Variants in FAM200B observed in about 807,000 individuals in gnomAD.
FAM200B encodes zinc finger BED-type containing 11.
In FAM200B, 32 loss-of-function variants were observed where a neutral mutation model predicts 33.1. That is an observed-to-expected ratio of 0.97 (90% CI 0.73 to 1.30). FAM200B has a LOEUF of 1.30. Ranked by LOEUF, FAM200B falls within the 50% of genes most tolerant of loss-of-function variation. The probability of loss-of-function intolerance (pLI) is 0.00; values close to 1 mark genes in which losing one functional copy is unlikely to be tolerated. For synonymous variants in FAM200B, 240 were observed against 264.8 expected (o/e 0.91, Z 0.91); for missense variants, 741 against 754.0 (o/e 0.98, Z 0.20).
At chr4:15,651,153 T>C in the FAM200B span, among the ~76,000 whole-genome samples, 1 of 152,214 alleles carries the variant, frequency 6.6e-6, no homozygotes, top group Non-Finnish European at 1.5e-5. Flanking sequence ...GGGAGACTTA[T>C]ACTCAGTGAA....
At chr4:15,663,706 T>A in the FAM200B span, among the ~76,000 whole-genome samples, 5 of 152,280 alleles carry the variant, frequency 3.3e-5, no homozygotes, top group East Asian at 9.6e-4. Context: ...AATTTTTTTT[T>A]AAAGAAAAAT....
chr4:15,679,376 T>C (rs1283053434), upstream of FAM200B, among the ~76,000 whole-genome samples: 2 of 152,094 alleles, frequency 1.3e-5, no homozygotes, highest in Non-Finnish European at 2.9e-5. Context: ...TTAACAATTA[T>C]TAATTATCCA....
chr4:15,656,997 G>C, the FAM200B span, among the ~76,000 whole-genome samples: 5 of 149,552 alleles, frequency 3.3e-5, no homozygotes, highest in Non-Finnish European at 7.5e-5. Flanking sequence ...CTTATTCACA[G>C]TCTGTCTTAA....
the FAM200B span, among the ~76,000 whole-genome samples, chr4:15,644,174 A>G: frequency 6.6e-6 from 1 of 152,300 alleles, no homozygotes; most frequent in South Asian, 2.1e-4. Context: ...CAAGAATTTT[A>G]TAGTTAGTCT....
intron 1 of FAM200B, among the ~76,000 whole-genome samples, chr4:15,684,059 G>C (rs1283331225): frequency 6.6e-6 from 1 of 152,182 alleles, no homozygotes; most frequent in Non-Finnish European, 1.5e-5. Flanking sequence ...TCTTAAGGGA[G>C]GCTAAGTAGA....
At chr4:15,655,943 G>T in the FAM200B span, among the ~76,000 whole-genome samples, 1 of 152,232 alleles carries the variant, frequency 6.6e-6, no homozygotes. Flanking sequence ...CTTCGGTCCC[G>T]GGCGGCAGCC....
the FAM200B span, among the ~76,000 whole-genome samples, chr4:15,669,880 A>G: frequency 6.6e-6 from 1 of 152,324 alleles, no homozygotes; most frequent in South Asian, 2.1e-4. Flanking sequence ...TCAACATTCC[A>G]ACTTATCCAA....
chr4:15,680,742 CAAG>C (rs1332496192), upstream of FAM200B, among the ~76,000 whole-genome samples: 1 of 151,714 alleles, frequency 6.6e-6, no homozygotes, highest in Non-Finnish European at 1.5e-5. Context: ...TGTAATCCTA[CAAG>C]AAGTAAGTAG....
In FAM200B at chr4:15,688,810, T is replaced by A; in HGVS notation, c.1833T>A (p.Cys611Ter). The change falls in exon 2 of 2, where the codon TGT becomes TGA. Residue 611 changes from cysteine to a stop codon, truncating the protein, a stop_gained. Coordinates refer to ENST00000422728, the MANE Select transcript of FAM200B (RefSeq NM_001145191.2). LOFTEE classifies it high-confidence loss of function. Reference protein sequence around the residue: ...LLLPFTTTSLCELGFSILTQL... With the variant: ...LLLPFTTTSL ...TACCATTCACAACAACTAGTTTGTG[T>A]GAACTAGGGTTTTCCATCTTAACGC... The A allele has an allele frequency of 8.4e-6, 13 of 1,551,474 alleles. No homozygotes were observed. The highest frequency in any genetic ancestry group is 1.1e-5 in the Non-Finnish European group (13 of 1,146,832).
chr4:15,654,590 A>G, the FAM200B span, among the ~76,000 whole-genome samples: 4 of 152,226 alleles, frequency 2.6e-5, no homozygotes, highest in Admixed American at 2.6e-4. Flanking sequence ...ACGACACATG[A>G]AGAGTGAAGG....
At chr4:15,677,261 G>A (rs1228378880), upstream of FAM200B, among the ~76,000 whole-genome samples, 7 of 152,102 alleles carry the variant, frequency 4.6e-5, no homozygotes, top group Admixed American at 4.6e-4. Flanking sequence ...CTCTTCTGTG[G>A]TATAATAAAA....
chr4:15,638,515 T>C, the FAM200B span: 2 of 1,590,568 alleles, frequency 1.3e-6, no homozygotes, highest in Non-Finnish European at 8.5e-7. Flanking sequence ...CACCTTTATC[T>C]GACTTTTCAT....
chr4:15,650,820 A>G, the FAM200B span, among the ~76,000 whole-genome samples: 15 of 151,896 alleles, frequency 9.9e-5, no homozygotes, highest in Non-Finnish European at 1.9e-4. Context: ...TTTAGTAGAG[A>G]TGAGGTTTCA....
At chr4:15,671,612 A>G in the FAM200B span, among the ~76,000 whole-genome samples, 1 of 152,094 alleles carries the variant, frequency 6.6e-6, no homozygotes, top group Admixed American at 6.5e-5. Context: ...TGGAGTTCAT[A>G]TCTTCTTGAA....
chr4:15,688,376 T>G lies in FAM200B; in HGVS notation c.1399T>G (p.Leu467Val). Residue 467 changes from leucine (L) to valine (V), a missense_variant, in exon 2 of 2, where the codon TTA (leucine) becomes GTA (valine). Leu to Val is a conservative substitution (Grantham distance 32). Transcript: ENST00000422728. ...ACGTATCCAGGGATTTCGAAAGACA[T>G]TATTGTTATGGCAAGTAAGACTTAA... is the stretch of plus-strand genomic sequence containing the variant. The part of the protein sequence containing the change: ...VERIQGFRKT[L>V]LLWQVRLKSN... 6.5e-7 allele frequency: 1 copy of G among 1,549,774 alleles called. No homozygotes were observed. Among genetic ancestry groups the G allele is most frequent in the Non-Finnish European group, 8.7e-7 (1 of 1,145,388 alleles).
At chr4:15,649,082 G>C in the FAM200B span, among the ~76,000 whole-genome samples, 1 of 151,632 alleles carries the variant, frequency 6.6e-6, no homozygotes, top group Non-Finnish European at 1.5e-5. Flanking sequence ...AAAATATTTT[G>C]TACAACAGGT....
rs918257530 is a variant in FAM200B, at chr4:15,690,071, C to T, written c.*1120C>T. 5.4e-5 allele frequency: 9 copies of T among 167,026 alleles called. No homozygotes were observed. Among genetic ancestry groups the T allele is most frequent in the African/African-American group, 1.7e-4 (7 of 41,426 alleles). The allele number at this position is 167,026 out of a possible 1,614,324, so 10.3% of individuals were successfully genotyped here. On this transcript the variant is annotated 3_prime_UTR_variant, in exon 2 of 2. Coordinates refer to ENST00000422728, the MANE Select transcript of FAM200B (RefSeq NM_001145191.2). Reference sequence around the variant, plus strand: ...CTAACATCTCTAATTTGCAGTCATTCCCAAGAGTAATTATTAAATATGTGG... The same window carrying T: ...CTAACATCTCTAATTTGCAGTCATTTCCAAGAGTAATTATTAAATATGTGG...
At chr4:15,647,557 T>C in the FAM200B span, among the ~76,000 whole-genome samples, 3 of 152,304 alleles carry the variant, frequency 2.0e-5, no homozygotes, top group African/African-American at 7.2e-5. Context: ...CAGGGAATTT[T>C]GCATATATTC....
At chr4:15,638,601 T>C in the FAM200B span, 5 of 1,613,256 alleles carry the variant, frequency 3.1e-6, no homozygotes, top group Middle Eastern at 1.7e-4. Flanking sequence ...AGTTCTGCAG[T>C]ATCCTTCTGA....
Sources: allele counts gnomAD v4.1 joint callset (sites outside exome capture counted in the v4.1 genomes callset), GRCh38; gene constraint gnomAD v4.1.1; transcripts MANE v1.5; gene names NCBI Gene and HGNC (gene_info 2026-07-23, HGNC 2026-07-21).